The following ZNRF1 variants were observed in gnomAD, a reference collection of about 807,000 sequenced individuals.
ZNRF1 encodes zinc and ring finger 1.
In ZNRF1, 3 loss-of-function variants were observed where a neutral mutation model predicts 18.4. The observed-to-expected ratio is 0.16, with a 90% CI of 0.07 to 0.42. ZNRF1 has a LOEUF of 0.42. ZNRF1 is among the 10% of genes least tolerant of loss of function. ZNRF1 has a pLI of 0.99. For missense variants in ZNRF1, 310 were observed against 329.8 expected, an observed-to-expected ratio of 0.94 and a Z score of 0.47; for synonymous variants, 157 against 144.2, an observed-to-expected ratio of 1.09 and a Z score of -0.64.
At chr16:75,096,128 C>G (rs1460031717) in intron 2 of ZNRF1, among the ~76,000 whole-genome samples, 1 of 149,962 alleles carries the variant, frequency 6.7e-6, no homozygotes, top group Non-Finnish European at 1.5e-5. Flanking sequence ...ACCTAAGGCT[C>G]TCTTTTGCAA....
chr16:75,064,007 C>T (rs751320809), intron 1 of ZNRF1, among the ~76,000 whole-genome samples: 16 of 152,128 alleles, frequency 1.1e-4, no homozygotes, highest in Non-Finnish European at 2.2e-4. Flanking sequence ...TTTAAAGAGA[C>T]AGGGTTTTGG....
chr16:75,028,200 C>T (rs1027314603), intron 1 of ZNRF1, among the ~76,000 whole-genome samples: 2 of 152,228 alleles, frequency 1.3e-5, no homozygotes, highest in Admixed American at 6.5e-5. Context: ...ATACTAACTG[C>T]TGCTATTTCT....
intron 1 of ZNRF1, among the ~76,000 whole-genome samples, chr16:75,013,363 T>C (rs907591132): frequency 5.9e-5 from 9 of 151,800 alleles, no homozygotes; most frequent in Non-Finnish European, 7.4e-5. Flanking sequence ...TTTTTTTTTT[T>C]CCGAGATGGA....
chr16:75,080,703 A>C (rs984269115), intron 1 of ZNRF1, among the ~76,000 whole-genome samples: 1 of 152,020 alleles, frequency 6.6e-6, no homozygotes, highest in African/African-American at 2.4e-5. Flanking sequence ...TGGAATTTCT[A>C]ATTACATCAA....
chr16:75,058,162 G>C (rs1479456059), intron 1 of ZNRF1, among the ~76,000 whole-genome samples: 1 of 149,588 alleles, frequency 6.7e-6, no homozygotes, highest in Admixed American at 6.7e-5. Flanking sequence ...AGACGGGGGG[G>C]TGGTCTCACT....
intron 1 of ZNRF1, among the ~76,000 whole-genome samples, chr16:75,024,108 G>A (rs919466109): frequency 1.1e-4 from 16 of 152,102 alleles, no homozygotes; most frequent in Admixed American, 3.3e-4. Flanking sequence ...GACCTCAGGT[G>A]ATCCACCTGC....
At chr16:75,020,783 C>G (rs1023885669) in intron 1 of ZNRF1, among the ~76,000 whole-genome samples, 2 of 152,152 alleles carry the variant, frequency 1.3e-5, no homozygotes, top group African/African-American at 4.8e-5. Flanking sequence ...ACCTCATGAT[C>G]CGCTGCCCTC....
At chr16:75,015,781 A>G (rs2035058183) in intron 1 of ZNRF1, among the ~76,000 whole-genome samples, 1 of 152,186 alleles carries the variant, frequency 6.6e-6, no homozygotes, top group South Asian at 2.1e-4. Flanking sequence ...GACGTGAGCC[A>G]CAGCTCCCAG....
At chr16:75,058,850 G>T (rs1252941138) in intron 1 of ZNRF1, among the ~76,000 whole-genome samples, 1 of 152,168 alleles carries the variant, frequency 6.6e-6, no homozygotes, top group Non-Finnish European at 1.5e-5. Flanking sequence ...GAGATGCGCT[G>T]GGCTTTCTGT....
At chr16:75,084,522 C>G (rs1001110448) in intron 1 of ZNRF1, 5 of 152,094 alleles carry the variant, frequency 3.3e-5, no homozygotes, top group African/African-American at 1.2e-4. Flanking sequence ...ATTTACAACA[C>G]CAAGAAGCTA....
At chr16:75,013,955 G>A (rs1040024683) in intron 1 of ZNRF1, among the ~76,000 whole-genome samples, 5 of 151,820 alleles carry the variant, frequency 3.3e-5, no homozygotes, top group South Asian at 4.2e-4. Context: ...TCAGCCTCCC[G>A]AGTAGTTGGG....
intron 1 of ZNRF1, among the ~76,000 whole-genome samples, chr16:75,075,987 T>C (rs539818151): frequency 6.6e-6 from 1 of 152,286 alleles, no homozygotes; most frequent in South Asian, 2.1e-4. Context: ...AGCTTACATA[T>C]GTGGACTCAG....
intron 1 of ZNRF1, among the ~76,000 whole-genome samples, chr16:75,016,640 A>G (rs956812911): frequency 6.6e-6 from 1 of 150,418 alleles, no homozygotes. Flanking sequence ...GGTTCAAGCA[A>G]TTCTCATGCC....
chr16:75,033,137 T>C (rs1234591509), intron 1 of ZNRF1, among the ~76,000 whole-genome samples: 4 of 152,182 alleles, frequency 2.6e-5, no homozygotes, highest in South Asian at 2.1e-4. Context: ...ACTGTGGTGT[T>C]ATAATAAGTC....
chr16:75,033,720 A>C (rs1380758014), intron 1 of ZNRF1, among the ~76,000 whole-genome samples: 1 of 152,208 alleles, frequency 6.6e-6, no homozygotes, highest in East Asian at 1.9e-4. Flanking sequence ...TACAGGCGTC[A>C]GCTATTGTGC....
Position 74,999,387 on chromosome 16 carries a change from G to A in ZNRF1, c.-285G>A. The A allele has an allele frequency of 3.8e-6, 1 of 260,804 alleles. No individual in the cohort carries two copies. 16.2% of individuals were successfully genotyped at this position (260,804 alleles called of 1,614,324 possible). On this transcript the variant is annotated 5_prime_UTR_variant, in exon 1 of 5. Transcript: ENST00000335325. ...CTTTCGGAGCCCGGGGGCGGCCTGT[G>A]GCGCGCGGAGCCCGCGCCGGACTGC...
chr16:75,020,690 C>G (rs774020134), intron 1 of ZNRF1, among the ~76,000 whole-genome samples: 1 of 151,994 alleles, frequency 6.6e-6, no homozygotes. Context: ...TACAGGCGCT[C>G]GCCACCACAC....
At chr16:75,066,175 A>C (rs147659319) in intron 1 of ZNRF1, among the ~76,000 whole-genome samples, 28 of 152,318 alleles carry the variant, frequency 1.8e-4, no homozygotes, top group African/African-American at 6.0e-4. Context: ...CTAAACAGAT[A>C]CTAATGTTTA....
chr16:75,024,374 C>T (rs1196749127), intron 1 of ZNRF1, among the ~76,000 whole-genome samples: 2 of 152,054 alleles, frequency 1.3e-5, no homozygotes, highest in African/African-American at 4.8e-5. Flanking sequence ...TTTAAAAAGT[C>T]TATTGTGAGT....
Sources: allele counts gnomAD v4.1 joint callset (sites outside exome capture counted in the v4.1 genomes callset), GRCh38; gene constraint gnomAD v4.1.1; transcripts MANE v1.5; gene names NCBI Gene and HGNC (gene_info 2026-07-23, HGNC 2026-07-21).